The following ZNF728 variants were observed in gnomAD, a reference collection of about 807,000 sequenced individuals.
ZNF728 encodes the protein zinc finger protein 728.
Under a neutral mutation model 12.5 loss-of-function variants are expected in ZNF728, and 12 were observed. That is an observed-to-expected ratio of 0.96 (90% CI 0.61 to 1.55). The LOEUF (loss-of-function observed/expected upper bound fraction) is 1.55. ZNF728 is among the 40% of genes most tolerant of loss of function. The probability of loss-of-function intolerance (pLI) is 0.00; values close to 1 mark genes in which losing one functional copy is unlikely to be tolerated. For synonymous variants in ZNF728, 205 were observed against 240.7 expected (o/e 0.85, Z 1.37); for missense variants, 692 against 719.2 (o/e 0.96, Z 0.43).
rs767886435 is a variant in ZNF728, at chr19:22,988,326, C to T, written c.129G>A (p.Leu43=). The part of the protein sequence containing the change: ...MLENYRNLVF[L]GIAAPKPDLI... ...ATTGCGTATTAAAGTTATTCTCACCCAGGAAGACCAGGTTTCTGTAGTTCT... is the reference window on the plus strand; with the variant it reads ...ATTGCGTATTAAAGTTATTCTCACCTAGGAAGACCAGGTTTCTGTAGTTCT... The change falls in exon 2 of 4, where the codon CTG becomes CTA. Residue 43 remains leucine, a splice_region_variant and synonymous_variant. Transcript: ENST00000594710. The T allele has an allele frequency of 8.7e-6, 14 of 1,613,980 alleles. No individual in the cohort carries two copies. The East Asian group carries it at 2.7e-4, about 31-fold the overall frequency.
At chr19:23,000,042 T>A (rs372892127) in intron 1 of ZNF728, among the ~76,000 whole-genome samples, 2 of 152,264 alleles carry the variant, frequency 1.3e-5, no homozygotes, top group African/African-American at 4.8e-5. Context: ...AAAAGCTAGA[T>A]GGAATTCTGT....
chr19:22,989,366 T>C (rs1224407012), intron 1 of ZNF728, among the ~76,000 whole-genome samples: 1 of 152,184 alleles, frequency 6.6e-6, no homozygotes, highest in African/African-American at 2.4e-5. Flanking sequence ...TTTTTCTGGT[T>C]TGTAAACAAA....
chr19:22,980,909 A>C (rs1317528103), intron 3 of ZNF728, among the ~76,000 whole-genome samples: 3 of 152,214 alleles, frequency 2.0e-5, no homozygotes, highest in Admixed American at 1.3e-4. Flanking sequence ...CTAAATGCCC[A>C]CGAGAGAAAG....
At chr19:22,996,703 A>G (rs1969053583) in intron 1 of ZNF728, among the ~76,000 whole-genome samples, 1 of 152,202 alleles carries the variant, frequency 6.6e-6, no homozygotes. Context: ...AAGAATGACA[A>G]AAGGTTTGTT....
At chr19:22,990,174 G>A (rs1373132145) in intron 1 of ZNF728, among the ~76,000 whole-genome samples, 1 of 151,990 alleles carries the variant, frequency 6.6e-6, no homozygotes, top group East Asian at 1.9e-4. Context: ...CACAAGTAGA[G>A]AAGTACAGGT....
rs777845611 is a variant in ZNF728 at position 22,975,871 on chromosome 19, A to C, written c.1466T>G (p.Phe489Cys). ...LYKCEECGKA[F>C]KWSSNLMEHK... ...TTCCATAAGGTTTGAGGACCACTTA[A>C]AGGCTTTGCCACATTCTTCACATTT... The change falls in exon 4 of 4, where the codon TTT becomes TGT. Residue 489 changes from phenylalanine (F) to cysteine (C), a missense_variant. Physicochemically the swap from Phe to Cys is radical, Grantham distance 205. Around this residue, in one of 3 missense-constraint regions of ZNF728, gnomAD observed 244 missense variants for 235.2 expected, o/e 1.04. Transcript: ENST00000594710. 2 of 1,612,326 alleles carry C rather than the reference A, an allele frequency of 1.2e-6. No homozygotes were observed. The highest frequency in any genetic ancestry group is 1.7e-6 in the Non-Finnish European group (2 of 1,179,318).
rs1368206845 is a variant in ZNF728, at chr19:22,975,087, T to C, written c.*381A>G. ...GATTTCTCACCAGTATGATTTCTTT[T>C]ATATTCAGAAAAGTTTCAGGTGTTG... On this transcript the variant is annotated 3_prime_UTR_variant, in exon 4 of 4. Transcript: ENST00000594710. 1.3e-5 allele frequency among the ~76,000 whole-genome samples: 2 copies of C among 152,224 alleles called. No individual in the cohort carries two copies. Among genetic ancestry groups the C allele is most frequent in the Non-Finnish European group, 1.5e-5 (1 of 68,030 alleles).
intron 1 of ZNF728, among the ~76,000 whole-genome samples, chr19:22,989,217 A>AT (rs5827548): frequency 0.3 from 45,256 of 148,902 alleles, 8,725 homozygotes; most frequent in African/African-American, 0.56. Flanking sequence ...GCAGATTATT[A>AT]TTTTTTTTTT....
intron 1 of ZNF728, among the ~76,000 whole-genome samples, chr19:22,990,052 G>A (rs943859489): frequency 6.6e-6 from 1 of 152,060 alleles, no homozygotes; most frequent in African/African-American, 2.4e-5. Context: ...CATATAAGAA[G>A]CCATAATGTA....
chr19:22,993,947 A>C (rs1325733432), intron 1 of ZNF728, among the ~76,000 whole-genome samples: 1 of 152,152 alleles, frequency 6.6e-6, no homozygotes, highest in Non-Finnish European at 1.5e-5. Flanking sequence ...TTGGAGCTGC[A>C]AATTCAGGTC....
At chr19:22,989,456 T>A (rs1346811735) in intron 1 of ZNF728, among the ~76,000 whole-genome samples, 5 of 152,188 alleles carry the variant, frequency 3.3e-5, no homozygotes, top group African/African-American at 9.6e-5. Flanking sequence ...ATTAAATGTG[T>A]TGGTTTGTTC....
At chr19:22,984,972 T>C (rs1968900303) in intron 3 of ZNF728, among the ~76,000 whole-genome samples, 1 of 152,136 alleles carries the variant, frequency 6.6e-6, no homozygotes, top group South Asian at 2.1e-4. Flanking sequence ...CACATATATA[T>C]ACTTTAACAT....
intron 1 of ZNF728, among the ~76,000 whole-genome samples, chr19:22,989,280 G>A (rs767851086): frequency 3.4e-4 from 52 of 151,632 alleles, no homozygotes; most frequent in Non-Finnish European, 6.2e-4. Flanking sequence ...AAGCTCATCA[G>A]TATGCCAATG....
At chr19:22,997,017 T>TA (rs1969057775) in intron 1 of ZNF728, among the ~76,000 whole-genome samples, 1 of 152,094 alleles carries the variant, frequency 6.6e-6, no homozygotes, top group Admixed American at 6.5e-5. Context: ...AGCAAGTTCT[T>TA]AGAGACCTAT....
chr19:22,982,651 T>C (rs1210551550), intron 3 of ZNF728, among the ~76,000 whole-genome samples: 5 of 152,130 alleles, frequency 3.3e-5, no homozygotes, highest in African/African-American at 1.2e-4. Context: ...ACGGTACTGG[T>C]ATCAAAACAG....
At chr19:22,982,946 C>T (rs1968876211) in intron 3 of ZNF728, among the ~76,000 whole-genome samples, 1 of 152,094 alleles carries the variant, frequency 6.6e-6, no homozygotes, top group East Asian at 1.9e-4. Context: ...AGGACACAGG[C>T]ATGGGCAAAG....
In ZNF728 at chr19:22,975,922, GC is replaced by G. The variant is rs766736775; in HGVS notation, c.1414del (p.Ala472GlnfsTer57). The G allele has an allele frequency of 6.3e-7, 1 of 1,597,668 alleles. No homozygotes were observed. Among genetic ancestry groups the G allele is most frequent in the Non-Finnish European group, 8.5e-7 (1 of 1,171,880 alleles). ...GTAGAGTTTCTCTCCAGCATGAATT[GC>G]CTTATGTGTAGTAAGGCTTGAGGAC... Reference protein sequence around the residue: ...SWSSSLTTHKAIHAGEKLYKC... With the variant: ...SWSSSLTTHKXIHAGEKLYKC... On this transcript the variant is annotated frameshift_variant, in exon 4 of 4. Transcript: ENST00000594710. LOFTEE classifies it low-confidence loss of function (END_TRUNC).
chr19:22,994,705 G>A (rs764975610), intron 1 of ZNF728, among the ~76,000 whole-genome samples: 6 of 152,138 alleles, frequency 3.9e-5, no homozygotes, highest in Admixed American at 1.3e-4. Flanking sequence ...CTTGAACCCC[G>A]GTGCCTGCTG....
chr19:22,990,186 T>C (rs1968970671), intron 1 of ZNF728, among the ~76,000 whole-genome samples: 1 of 152,140 alleles, frequency 6.6e-6, no homozygotes, highest in Non-Finnish European at 1.5e-5. Flanking sequence ...AGTACAGGTT[T>C]GCAAGTACTA....
Sources: allele counts gnomAD v4.1 joint callset (sites outside exome capture counted in the v4.1 genomes callset), GRCh38; gene constraint gnomAD v4.1.1; regional missense constraint gnomAD v4.1.1; transcripts MANE v1.5; gene names NCBI Gene and HGNC (gene_info 2026-07-23, HGNC 2026-07-21).